The following CABP5 variants were observed in gnomAD, a reference collection of about 807,000 sequenced individuals.
CABP5 encodes calcium binding protein 5, also known as calcium-binding protein 5.
Under a neutral mutation model 21.9 loss-of-function variants are expected in CABP5, and 17 were observed. The observed-to-expected ratio is 0.78, with a 90% CI of 0.53 to 1.17. The LOEUF (loss-of-function observed/expected upper bound fraction) is 1.17, where lower values mean the gene tolerates loss of function less well. Ranked by LOEUF, CABP5 falls within the 50% of genes most tolerant of loss-of-function variation. The pLI is 0.00. For missense variants in CABP5, 229 were observed against 228.9 expected (o/e 1.00, Z 0.00); for synonymous variants, 85 against 79.4 (o/e 1.07, Z -0.37).
chr19:48,038,143 C>T (rs541990811), intron 4 of CABP5, among the ~76,000 whole-genome samples: 24 of 152,202 alleles, frequency 1.6e-4, no homozygotes, highest in Non-Finnish European at 3.1e-4. Context: ...TCTTAAAGTC[C>T]TGACCTTGTG....
chr19:48,030,954 C>A lies in CABP5; in HGVS notation c.497-372G>T, dbSNP rs552293161. ...ACCAGCCTGGGCAACATAGCGACAC[C>A]CCCAACTCTACAAAAAAATTAAAAA... On this transcript the variant is annotated intron_variant, in intron 5 of 5. Coordinates refer to ENST00000293255, the MANE Select transcript of CABP5 (RefSeq NM_019855.5). 7.2e-5 allele frequency among the ~76,000 whole-genome samples: 11 copies of A among 151,942 alleles called. No individual in the cohort carries two copies. In the East Asian group the frequency reaches 1.9e-3, roughly 27 times the overall value.
intron 3 of CABP5, 70 bp downstream of exon 3, chr19:48,040,535 C>T (rs1340639625): frequency 3.2e-6 from 5 of 1,560,964 alleles, no homozygotes; most frequent in Non-Finnish European, 4.4e-6. Context: ...CTCTTAACCT[C>T]TACATCCTTC....
chr19:48,034,554 T>C (rs1967384833), intron 4 of CABP5, among the ~76,000 whole-genome samples, 192 bp from the exon 5 acceptor site: 1 of 150,268 alleles, frequency 6.7e-6, no homozygotes, highest in Non-Finnish European at 1.5e-5. Flanking sequence ...CTTTTTTTTT[T>C]TTTTTTTATT....
chr19:48,042,792 C>CT (rs1600129625), intron 1 of CABP5, among the ~76,000 whole-genome samples: 1 of 152,038 alleles, frequency 6.6e-6, no homozygotes, highest in Admixed American at 6.6e-5. Context: ...CCAGGCTGGT[C>CT]TTGACCTCCT....
chr19:48,039,323 G>A lies in CABP5; in HGVS notation c.239-6C>T. On this transcript the variant is annotated splice_polypyrimidine_tract_variant and splice_region_variant and intron_variant, in intron 3 of 5. Transcript: ENST00000293255. ...AAAGTCTACACGGCCACCCACTGAGGAAGATGGCACAGGATTAGCGAGACC... is the reference window on the plus strand; with the variant it reads ...AAAGTCTACACGGCCACCCACTGAGAAAGATGGCACAGGATTAGCGAGACC... 2 of 1,611,520 alleles carry A rather than the reference G, an allele frequency of 1.2e-6. No individual in the cohort carries two copies. The highest frequency in any genetic ancestry group is 1.7e-6 in the Non-Finnish European group (2 of 1,177,666).
At chr19:48,038,874 A>G (rs1344352236) in intron 4 of CABP5, among the ~76,000 whole-genome samples, 4 of 151,958 alleles carry the variant, frequency 2.6e-5, no homozygotes, top group Non-Finnish European at 4.4e-5. Context: ...AGGATCTTGG[A>G]TAAGATTTAT....
chr19:48,031,177 T>C (rs147863725), intron 5 of CABP5, among the ~76,000 whole-genome samples: 4 of 152,308 alleles, frequency 2.6e-5, no homozygotes, highest in African/African-American at 9.6e-5. Context: ...CTAGTATTGC[T>C]ATTTCCTTAT....
chr19:48,034,550 T>TC (rs376941611), intron 4 of CABP5, among the ~76,000 whole-genome samples, 188 bp from the exon 5 acceptor site: 43,843 of 147,730 alleles, frequency 0.3, 7,332 homozygotes, highest in Non-Finnish European at 0.38. Flanking sequence ...CTTTCTTTTT[T>TC]TTTTTTTTTT....
chr19:48,034,354 C>T lies in CABP5; in HGVS notation c.357G>A (p.Thr119=), dbSNP rs372027167. The change falls in exon 5 of 6, where the codon ACG becomes ACA. Residue 119 remains threonine (T), a synonymous_variant. Coordinates refer to ENST00000293255, the MANE Select transcript of CABP5 (RefSeq NM_019855.5). The part of the protein sequence containing the change: ...EMRDAFKEFD[T]NGDGEITLVE... ...CCAGGGTGATCTCCCCATCTCCATTCGTGTCAAACTGAATAGAAGCAGAAA... is the reference window on the plus strand; with the variant it reads ...CCAGGGTGATCTCCCCATCTCCATTTGTGTCAAACTGAATAGAAGCAGAAA... 11 of 1,557,670 alleles carry T rather than the reference C, an allele frequency of 7.1e-6. No homozygotes were observed. In the East Asian group the frequency reaches 7.1e-5, roughly 10 times the overall value.
At chr19:48,030,657 C>T (rs774885979) in intron 5 of CABP5, 75 bp from the exon 6 acceptor site, 145 of 1,454,792 alleles carry the variant, frequency 1.0e-4, no homozygotes, top group Non-Finnish European at 5.7e-5. Context: ...TGAGCCCTTC[C>T]TATGTGGCAG....
At chr19:48,036,997 T>C (rs1051692279) in intron 4 of CABP5, among the ~76,000 whole-genome samples, 1 of 152,168 alleles carries the variant, frequency 6.6e-6, no homozygotes, top group African/African-American at 2.4e-5. Flanking sequence ...TTGCTGGGTA[T>C]GGAAATTAGC....
chr19:48,043,388 G>A (rs1041957181), intron 1 of CABP5, among the ~76,000 whole-genome samples: 1 of 150,178 alleles, frequency 6.7e-6, no homozygotes, highest in Non-Finnish European at 1.5e-5. Flanking sequence ...CTGTAAAATG[G>A]GAATGAAAGT....
chr19:48,039,503 G>A (rs1411868668), intron 3 of CABP5, among the ~76,000 whole-genome samples, 186 bp from the exon 4 acceptor site: 2 of 152,128 alleles, frequency 1.3e-5, no homozygotes, highest in African/African-American at 4.8e-5. Context: ...AACAGGAGTG[G>A]ATAGGGTGTG....
At chr19:48,039,026 T>C (rs903710457) in intron 4 of CABP5, among the ~76,000 whole-genome samples, 182 bp downstream of exon 4, 5 of 152,124 alleles carry the variant, frequency 3.3e-5, no homozygotes, top group African/African-American at 1.2e-4. Flanking sequence ...TACAGAGGCA[T>C]TGATCCATTG....
rs1397807211 is a variant in CABP5, at chr19:48,043,912, G to A, written c.11C>T (p.Pro4Leu). MQF[P>L]MGPACIFLRK... ...CAAGAAGATGCAGGCGGGGCCCATG[G>A]GGAACTGCATGGAGGGGTGGGGTGG... Residue 4 changes from proline (P) to leucine (L), a missense_variant, in exon 1 of 6, where the codon CCC becomes CTC. By Grantham distance (98) the Pro-to-Leu change is moderately conservative (BLOSUM62 -3). Transcript: ENST00000293255. 5 of 1,504,798 alleles carry A rather than the reference G, an allele frequency of 3.3e-6. No individual in the cohort carries two copies. Among genetic ancestry groups the A allele is most frequent in the Non-Finnish European group, 4.4e-6 (5 of 1,132,156 alleles). 93.2% of individuals were successfully genotyped at this position (1,504,798 alleles called of 1,614,324 possible).
chr19:48,043,849 C>T lies in CABP5; in HGVS notation c.63+11G>A. 6.7e-7 allele frequency: 1 copy of T among 1,490,510 alleles called. No homozygotes were observed. The allele number at this position is 1,490,510 out of a possible 1,614,324, so 92.3% of individuals were successfully genotyped here. On this transcript the variant is annotated intron_variant, in intron 1 of 5. Coordinates refer to ENST00000293255, the MANE Select transcript of CABP5 (RefSeq NM_019855.5). ...CCGCCCACCGCCCTTCCCCCTCACT[C>T]CCCACCTCACCCGCTGTTTCTCAGC...
At chr19:48,043,539 T>TCAC (rs1967510943) in intron 1 of CABP5, among the ~76,000 whole-genome samples, 2 of 2,978 alleles carry the variant, frequency 6.7e-4, no homozygotes, top group South Asian at 0.024. Flanking sequence ...ACCACCACCA[T>TCAC]CATCACCACC....
At chr19:48,036,009 G>C (rs1967404218) in intron 4 of CABP5, among the ~76,000 whole-genome samples, 1 of 152,186 alleles carries the variant, frequency 6.6e-6, no homozygotes, top group South Asian at 2.1e-4. Context: ...AAACCAATTA[G>C]AGGGCCGCCA....
At position 48,034,250 on chromosome 19, in the gene CABP5, G is replaced by A; in HGVS notation, c.461C>T (p.Ala154Val). The A allele has an allele frequency of 6.2e-7, 1 of 1,606,510 alleles. No homozygotes were observed. Among genetic ancestry groups the A allele is most frequent in the Non-Finnish European group, 8.5e-7 (1 of 1,176,996 alleles). Residue 154 changes from alanine (A) to valine (V), a missense_variant, in exon 5 of 6, where the codon GCT (alanine) becomes GTT (valine). By Grantham distance (64) the Ala-to-Val change is moderately conservative. Coordinates refer to ENST00000293255, the MANE Select transcript of CABP5 (RefSeq NM_019855.5). ...PREISEVVRE[A>V]DVNGDGTVDF... ...AACTGTGCCGTCTCCATTAACATCA[G>A]CCTCCCGGACAACCTCAGAGATCTC...
Sources: gnomAD v4.1 joint callset for allele counts (sites outside exome capture counted in the v4.1 genomes callset) on GRCh38, gnomAD v4.1.1 for gene constraint, MANE v1.5 for transcripts, NCBI Gene and HGNC (gene_info 2026-07-23, HGNC 2026-07-21) for gene names.